Variants in DPP10 observed in about 807,000 individuals in gnomAD.
DPP10 encodes the protein inactive dipeptidyl peptidase 10.
DPP10 carries 33 observed loss-of-function variants against 120.9 expected under a neutral mutation model. That is an observed-to-expected ratio of 0.27 (90% CI 0.21 to 0.37). DPP10 has a LOEUF of 0.37. Among genes scored for constraint, DPP10 ranks in the 10% least tolerant of loss-of-function variants. DPP10 has a pLI of 1.00. For missense variants in DPP10, 816 were observed against 942.8 expected, an observed-to-expected ratio of 0.87 and a Z score of 1.76; for synonymous variants, 337 against 326.1, an observed-to-expected ratio of 1.03 and a Z score of -0.36.
chr2:115,418,637 T>A (rs1021143020), intron 3 of DPP10, among the ~76,000 whole-genome samples: 2 of 151,722 alleles, frequency 1.3e-5, no homozygotes, highest in African/African-American at 4.8e-5. Flanking sequence ...CTGGGCATGG[T>A]GGTGTGTGTC....
chr2:115,815,879 CA>C, intron 21 of DPP10, 150 bp downstream of exon 21: 1 of 763,260 alleles, frequency 1.3e-6, no homozygotes. Flanking sequence ...CTCACTGTAG[CA>C]AGATTTGATG....
chr2:115,326,631 T>C (rs558855293), intron 2 of DPP10, among the ~76,000 whole-genome samples: 1 of 152,098 alleles, frequency 6.6e-6, no homozygotes, highest in East Asian at 1.9e-4. Flanking sequence ...TGGAATAGGA[T>C]ATGAAGGTGG....
chr2:115,080,304 C>T (rs1708168099), intron 1 of DPP10, among the ~76,000 whole-genome samples: 1 of 152,172 alleles, frequency 6.6e-6, no homozygotes, highest in Admixed American at 6.5e-5. Flanking sequence ...AGGCATGATC[C>T]ACCGTGCCTG....
intron 1 of DPP10, among the ~76,000 whole-genome samples, chr2:114,493,196 G>A (rs928905451): frequency 1.3e-5 from 2 of 152,136 alleles, no homozygotes; most frequent in Non-Finnish European, 2.9e-5. Flanking sequence ...TGAACTCTGG[G>A]CACAAATTGC....
At chr2:115,681,173 T>C (rs1160773077) in intron 5 of DPP10, among the ~76,000 whole-genome samples, 2 of 130,742 alleles carry the variant, frequency 1.5e-5, no homozygotes, top group Non-Finnish European at 3.4e-5. Flanking sequence ...ATGTAAAATG[T>C]GCATATCTTC....
chr2:114,577,900 G>A (rs138829582), intron 1 of DPP10, among the ~76,000 whole-genome samples: 135 of 152,078 alleles, frequency 8.9e-4, no homozygotes, highest in African/African-American at 3.1e-3. Context: ...CCCCTTATGA[G>A]GACACTAGTC....
At chr2:115,760,617 A>G (rs893464987) in intron 11 of DPP10, among the ~76,000 whole-genome samples, 15 of 152,222 alleles carry the variant, frequency 9.9e-5, no homozygotes, top group African/African-American at 3.4e-4. Context: ...TTTGAGTAGA[A>G]TGATGAGCAT....
chr2:115,622,097 A>G (rs1260083459), intron 5 of DPP10, among the ~76,000 whole-genome samples: 33 of 152,104 alleles, frequency 2.2e-4, no homozygotes, highest in Admixed American at 2.2e-3. Flanking sequence ...TCATCGTCCT[A>G]ATCTTGTTAT....
intron 5 of DPP10, among the ~76,000 whole-genome samples, chr2:115,608,830 G>A (rs1479611819): frequency 6.6e-6 from 1 of 151,836 alleles, no homozygotes; most frequent in Non-Finnish European, 1.5e-5. Flanking sequence ...TTAATGACAA[G>A]ATGATATCAA....
intron 3 of DPP10, among the ~76,000 whole-genome samples, chr2:115,387,046 A>C (rs1486012482): frequency 2.6e-5 from 4 of 152,136 alleles, no homozygotes; most frequent in African/African-American, 9.7e-5. Flanking sequence ...TGAATGAAAA[A>C]TTTCAACATA....
intron 1 of DPP10, among the ~76,000 whole-genome samples, chr2:114,801,514 C>A (rs1301755345): frequency 6.6e-6 from 1 of 152,074 alleles, no homozygotes; most frequent in Non-Finnish European, 1.5e-5. Context: ...CTGCCTGCAA[C>A]CTCTTTGTGT....
At chr2:115,308,201 A>G (rs1169531207) in intron 1 of DPP10, among the ~76,000 whole-genome samples, 2 of 152,158 alleles carry the variant, frequency 1.3e-5, no homozygotes, top group African/African-American at 4.8e-5. Context: ...GTACAAATTT[A>G]TTAAATGTTT....
chr2:115,831,646 T>G (rs1688940732), intron 21 of DPP10, among the ~76,000 whole-genome samples: 1 of 152,248 alleles, frequency 6.6e-6, no homozygotes, highest in African/African-American at 2.4e-5. Context: ...ACATAAATTT[T>G]GAGTAAATGG....
chr2:115,377,551 G>C (rs987248030), intron 3 of DPP10, among the ~76,000 whole-genome samples: 4 of 152,100 alleles, frequency 2.6e-5, no homozygotes, highest in Non-Finnish European at 5.9e-5. Context: ...AAGCTCTTTA[G>C]TTTAATTAGA....
chr2:114,600,916 T>G (rs2105225210), intron 1 of DPP10, among the ~76,000 whole-genome samples: 1 of 151,918 alleles, frequency 6.6e-6, no homozygotes, highest in East Asian at 1.9e-4. Context: ...GTTTAGAAGT[T>G]AAGAAAGAGA....
Position 115,115,741 on chromosome 2 carries a change from T to C in DPP10, c.61-193498T>C, listed in dbSNP as rs79133396. ...TCCTGGCATAAAAACTGGTGGTGTG[T>C]TTTATGGTGTTCTTCTCGTAATCCA... On this transcript the variant is annotated intron_variant, in intron 1 of 25. Coordinates refer to ENST00000410059, the MANE Select transcript of DPP10 (RefSeq NM_020868.6). Among the ~76,000 whole-genome samples the C allele has an allele frequency of 4.2e-4, 64 of 152,260 alleles. 2 individuals are homozygous for C. The East Asian group carries it at 0.012, about 29-fold the overall frequency.
intron 21 of DPP10, among the ~76,000 whole-genome samples, chr2:115,817,679 G>GTT (rs74265875): frequency 0.013 from 1,938 of 148,520 alleles, 44 homozygotes; most frequent in African/African-American, 0.043. Context: ...TTAGTTTTTT[G>GTT]TTTTTTTTTT....
At chr2:114,578,039 A>G (rs1690200530) in intron 1 of DPP10, among the ~76,000 whole-genome samples, 1 of 152,232 alleles carries the variant, frequency 6.6e-6, no homozygotes, top group South Asian at 2.1e-4. Context: ...TTGGGGGGAT[A>G]TAATTCAACC....
At chr2:114,928,689 G>A (rs1357456398) in intron 1 of DPP10, among the ~76,000 whole-genome samples, 1 of 152,026 alleles carries the variant, frequency 6.6e-6, no homozygotes, top group Non-Finnish European at 1.5e-5. Flanking sequence ...TCCTAGTACA[G>A]GCTCTCAGTG....
Sources: gnomAD v4.1 joint callset for allele counts (sites outside exome capture counted in the v4.1 genomes callset) on GRCh38, gnomAD v4.1.1 for gene constraint, MANE v1.5 for transcripts, NCBI Gene and HGNC (gene_info 2026-07-23, HGNC 2026-07-21) for gene names.